PIAS1: variants seen among roughly 807,000 people sequenced by gnomAD.
The protein encoded by PIAS1 is E3 SUMO-protein ligase PIAS1.
A neutral mutation model predicts 71.3 loss-of-function variants in PIAS1; 6 were observed. The ratio of observed to expected loss-of-function variants is 0.08; its 90% CI spans 0.05 to 0.17. PIAS1 has a LOEUF of 0.17. Ranked by LOEUF, PIAS1 falls within the 10% of genes least tolerant of loss-of-function variation. PIAS1 has a pLI of 1.00. For synonymous variants in PIAS1, 303 were observed against 292.9 expected (o/e 1.03, Z -0.35); for missense variants, 555 against 793.6 (o/e 0.70, Z 3.61).
chr15:68,081,822 G>A (rs147590694), intron 1 of PIAS1, among the ~76,000 whole-genome samples: 3 of 151,114 alleles, frequency 2.0e-5, no homozygotes, highest in Non-Finnish European at 4.4e-5. Context: ...ATGGAAGGAA[G>A]ATTATTGTAA....
intron 6 of PIAS1, among the ~76,000 whole-genome samples, chr15:68,152,262 T>C (rs1426630243): frequency 6.6e-6 from 1 of 152,184 alleles, no homozygotes; most frequent in Non-Finnish European, 1.5e-5. Flanking sequence ...AAAGTTTTAA[T>C]GTTACTTGTT....
intron 2 of PIAS1, among the ~76,000 whole-genome samples, chr15:68,097,631 C>G (rs2140994376): frequency 6.6e-6 from 1 of 152,184 alleles, no homozygotes; most frequent in South Asian, 2.1e-4. Flanking sequence ...CGGGGTTTCC[C>G]CACATTGGCC....
intron 2 of PIAS1, among the ~76,000 whole-genome samples, chr15:68,089,904 G>C (rs973851000): frequency 6.6e-6 from 1 of 151,482 alleles, no homozygotes; most frequent in African/African-American, 2.4e-5. Context: ...ATTTGAGACA[G>C]GGTCTTGCTC....
chr15:68,179,561 GTTCTT>G (rs2093039819), intron 11 of PIAS1, among the ~76,000 whole-genome samples: 2 of 30,194 alleles, frequency 6.6e-5, no homozygotes, highest in Non-Finnish European at 9.8e-5. Flanking sequence ...CTCGTGAAAT[GTTCTT>G]TTTTTTTTTT....
chr15:68,078,409 C>T (rs753340251), intron 1 of PIAS1, among the ~76,000 whole-genome samples: 13 of 152,104 alleles, frequency 8.5e-5, no homozygotes, highest in Non-Finnish European at 1.8e-4. Context: ...CTTATTTCAG[C>T]CATCCTATTG....
intron 1 of PIAS1, among the ~76,000 whole-genome samples, chr15:68,080,322 A>G (rs1428830102): frequency 6.6e-6 from 1 of 152,222 alleles, no homozygotes; most frequent in Admixed American, 6.5e-5. Context: ...ATTTATGTAT[A>G]ATTGCAATAT....
intron 1 of PIAS1, among the ~76,000 whole-genome samples, chr15:68,057,089 T>G (rs2091904142): frequency 1.3e-5 from 2 of 152,172 alleles, no homozygotes; most frequent in South Asian, 4.1e-4. Flanking sequence ...GTGAGTCCTT[T>G]TAAATCTATA....
At position 68,077,555 on chromosome 15, in the gene PIAS1, T is replaced by A. The variant is rs530796983; in HGVS notation, c.25-8751T>A. On this transcript the variant is annotated intron_variant, in intron 1 of 13. Transcript: ENST00000249636. ...GCTAATGTGGGCAGCTTTTAAAGGT[T>A]GTGAACTCTTAGAAGTGTTTTAGCA... Among the ~76,000 whole-genome samples, 226 of 152,348 alleles carry A rather than the reference T, an allele frequency of 1.5e-3. 4 individuals carry two copies. The highest frequency in any genetic ancestry group is 5.2e-3 in the African/African-American group (215 of 41,588).
intron 2 of PIAS1, among the ~76,000 whole-genome samples, chr15:68,124,521 A>G (rs2092636527): frequency 6.6e-6 from 1 of 151,892 alleles, no homozygotes. Context: ...CAGGAGCTTG[A>G]GACCAGTCTG....
intron 1 of PIAS1, among the ~76,000 whole-genome samples, chr15:68,069,073 T>A (rs543240781): frequency 6.6e-6 from 1 of 151,630 alleles, no homozygotes; most frequent in South Asian, 2.1e-4. Flanking sequence ...TTTTTGTATT[T>A]TTAGTAGAGA....
chr15:68,179,811 C>T lies in PIAS1; in HGVS notation c.1482-1401C>T, dbSNP rs189510534. ...GAGGCTGGTCTCAAACTCCCAACCT[C>T]AGGTGATCCATGCGCCTTGGCCTCC... On this transcript the variant is annotated intron_variant, in intron 11 of 13. Coordinates refer to ENST00000249636, the MANE Select transcript of PIAS1 (RefSeq NM_016166.3). 3.5e-4 allele frequency among the ~76,000 whole-genome samples: 53 copies of T among 151,946 alleles called. 1 individual carries two copies. The highest frequency in any genetic ancestry group is 3.0e-3 in the Admixed American group (46 of 15,258).
intron 1 of PIAS1, among the ~76,000 whole-genome samples, chr15:68,069,375 A>T (rs2092067397): frequency 6.6e-6 from 1 of 152,156 alleles, no homozygotes; most frequent in Non-Finnish European, 1.5e-5. Flanking sequence ...GACCTTTGGT[A>T]TCACATTTAC....
At chr15:68,140,823 G>T (rs965176540) in intron 2 of PIAS1, among the ~76,000 whole-genome samples, 2 of 152,116 alleles carry the variant, frequency 1.3e-5, no homozygotes, top group Non-Finnish European at 2.9e-5. Flanking sequence ...CCCAGAAGCC[G>T]ATAGTTTCTT....
intron 2 of PIAS1, among the ~76,000 whole-genome samples, chr15:68,119,840 G>C (rs2092598598): frequency 6.6e-6 from 1 of 152,106 alleles, no homozygotes; most frequent in Non-Finnish European, 1.5e-5. Flanking sequence ...TCATGTATTT[G>C]GAAGCTCTAC....
intron 7 of PIAS1, among the ~76,000 whole-genome samples, chr15:68,164,186 A>G (rs539382570): frequency 6.6e-6 from 1 of 152,176 alleles, no homozygotes; most frequent in South Asian, 2.1e-4. Flanking sequence ...TTATAGAGAA[A>G]TAGATTAAAA....
intron 1 of PIAS1, among the ~76,000 whole-genome samples, chr15:68,064,134 TTG>T (rs1237217012): frequency 3.6e-4 from 55 of 152,352 alleles, no homozygotes; most frequent in Middle Eastern, 3.4e-3. Flanking sequence ...CCATTTTTAC[TTG>T]AAAAAATGGC....
At position 68,167,993 on chromosome 15, in the gene PIAS1, C is replaced by T. The variant is rs2092967674; in HGVS notation, c.1008+3189C>T. 6.6e-6 allele frequency among the ~76,000 whole-genome samples: 1 copy of T among 151,306 alleles called. No homozygotes were observed. Among genetic ancestry groups the T allele is most frequent in the Admixed American group, 6.6e-5 (1 of 15,130 alleles). ...AAATGCTGGGATTACAGGTGTGAGC[C>T]ACCACTCCCAGCCTTTTTAAAATTT... On this transcript the variant is annotated intron_variant, in intron 8 of 13. Transcript: ENST00000249636. This position sits in a 1 kb window ranked among gnomAD's most constrained non-coding sequence, Gnocchi z 4.4.
intron 1 of PIAS1, among the ~76,000 whole-genome samples, chr15:68,062,464 A>G (rs2091970274): frequency 6.6e-6 from 1 of 152,208 alleles, no homozygotes; most frequent in Non-Finnish European, 1.5e-5. Flanking sequence ...AACCACAATC[A>G]GTTCTAGAAT....
Position 68,147,132 on chromosome 15 carries a change from A to G in PIAS1, c.828+432A>G, listed in dbSNP as rs914506602. Among the ~76,000 whole-genome samples the G allele has an allele frequency of 7.9e-5, 12 of 152,344 alleles. No homozygotes were observed. The East Asian group carries it at 2.1e-3, about 27-fold the overall frequency. ...TAATTTCCTTAGGGTAAATTCTCAG[A>G]AGTGGGATTGCTGAGTCAAAGAGCC... On this transcript the variant is annotated intron_variant, in intron 6 of 13. Transcript: ENST00000249636.
Sources: allele counts gnomAD v4.1 joint callset (sites outside exome capture counted in the v4.1 genomes callset), GRCh38; gene constraint gnomAD v4.1.1; non-coding constraint Gnocchi (gnomAD v3.1); transcripts MANE v1.5; gene names NCBI Gene and HGNC (gene_info 2026-07-23, HGNC 2026-07-21).